PDE1C: variants seen among roughly 807,000 people sequenced by gnomAD.
PDE1C encodes dual specificity calcium/calmodulin-dependent 3',5'-cyclic nucleotide phosphodiesterase 1C.
PDE1C carries 62 observed loss-of-function variants against 93.1 expected under a neutral mutation model. The ratio of observed to expected loss-of-function variants is 0.67; its 90% CI spans 0.54 to 0.82. The LOEUF (loss-of-function observed/expected upper bound fraction) is 0.82. Among genes scored for constraint, PDE1C ranks in the 40% least tolerant of loss-of-function variants. The probability of loss-of-function intolerance (pLI) is 0.00; values close to 1 mark genes in which losing one functional copy is unlikely to be tolerated. For missense variants in PDE1C, 742 were observed against 884.6 expected, an observed-to-expected ratio of 0.84 and a Z score of 2.04; for synonymous variants, 325 against 310.1, an observed-to-expected ratio of 1.05 and a Z score of -0.50.
At chr7:32,334,375 T>G (rs1783571914) in intron 1 of PDE1C, among the ~76,000 whole-genome samples, 1 of 152,214 alleles carries the variant, frequency 6.6e-6, no homozygotes, top group Non-Finnish European at 1.5e-5. Flanking sequence ...TTGACTTCTT[T>G]TGCCTCAATA....
At chr7:31,852,739 T>G (rs1793502160) in intron 7 of PDE1C, among the ~76,000 whole-genome samples, 1 of 152,134 alleles carries the variant, frequency 6.6e-6, no homozygotes, top group Non-Finnish European at 1.5e-5. Flanking sequence ...AATCTTACAT[T>G]GTATTTTCTT....
intron 2 of PDE1C, among the ~76,000 whole-genome samples, chr7:31,937,942 C>G (rs1805313402): frequency 6.6e-6 from 1 of 152,158 alleles, no homozygotes; most frequent in Non-Finnish European, 1.5e-5. Context: ...CATGGGCACT[C>G]CATTCCCAAA....
chr7:32,362,211 AG>A (rs1239698913), intron 1 of PDE1C, among the ~76,000 whole-genome samples: 1 of 152,110 alleles, frequency 6.6e-6, no homozygotes, highest in African/African-American at 2.4e-5. Context: ...AATGCCTCAG[AG>A]GCGTGTGTGC....
intron 2 of PDE1C, among the ~76,000 whole-genome samples, chr7:31,935,374 A>G (rs1360488303): frequency 6.6e-6 from 1 of 152,120 alleles, no homozygotes; most frequent in East Asian, 1.9e-4. Flanking sequence ...CCAGGCCTGC[A>G]CTTCCCTTTT....
At chr7:31,945,787 C>G (rs2129006886) in intron 2 of PDE1C, among the ~76,000 whole-genome samples, 1 of 152,274 alleles carries the variant, frequency 6.6e-6, no homozygotes, top group East Asian at 1.9e-4. Flanking sequence ...TCCTCTCCTT[C>G]AGAATTCCAA....
At chr7:32,374,179 A>AAAG (rs146817206) in intron 1 of PDE1C, among the ~76,000 whole-genome samples, 8,865 of 31,180 alleles carry the variant, frequency 0.28, 616 homozygotes, top group South Asian at 0.53. Flanking sequence ...AGAAAGAAAG[A>AAAG]AAGAAAGAAA....
chr7:32,413,709 A>T (rs2128098373), intron 1 of PDE1C, among the ~76,000 whole-genome samples: 4 of 152,324 alleles, frequency 2.6e-5, no homozygotes, highest in Admixed American at 2.6e-4. Context: ...CTGTACACTT[A>T]AAAATGATTA....
chr7:32,294,975 CT>C (rs1378632310), intron 1 of PDE1C, among the ~76,000 whole-genome samples: 1 of 152,234 alleles, frequency 6.6e-6, no homozygotes, highest in East Asian at 1.9e-4. Context: ...CAATCTTAGT[CT>C]TGTTTCCAAG....
intron 3 of PDE1C, among the ~76,000 whole-genome samples, chr7:32,088,281 CTTT>C (rs977306411): frequency 2.6e-5 from 4 of 151,982 alleles, no homozygotes; most frequent in Admixed American, 2.6e-4. Flanking sequence ...AGTGATTGGA[CTTT>C]TTTTTAATAC....
intron 3 of PDE1C, among the ~76,000 whole-genome samples, chr7:32,097,993 G>A (rs1291193881): frequency 6.7e-6 from 1 of 149,470 alleles, no homozygotes; most frequent in Admixed American, 6.6e-5. Flanking sequence ...CACTTTGGGA[G>A]GCCGAGGCGG....
intron 2 of PDE1C, among the ~76,000 whole-genome samples, chr7:31,976,872 C>A (rs1404857504): frequency 6.6e-6 from 1 of 152,166 alleles, no homozygotes; most frequent in East Asian, 1.9e-4. Context: ...TCATTATCTG[C>A]CACTGACCAA....
intron 1 of PDE1C, among the ~76,000 whole-genome samples, chr7:32,312,521 G>A (rs1301073586): frequency 6.6e-5 from 10 of 152,208 alleles, no homozygotes; most frequent in African/African-American, 2.4e-4. Flanking sequence ...CAAGGCTACA[G>A]TAACCAAAAC....
chr7:31,865,874 G>C (rs1795226818), intron 6 of PDE1C, among the ~76,000 whole-genome samples: 1 of 151,950 alleles, frequency 6.6e-6, no homozygotes, highest in Admixed American at 6.6e-5. Context: ...TGTGCACTTT[G>C]TTTTCCTACA....
At chr7:31,975,025 C>CT (rs1563129814) in intron 2 of PDE1C, among the ~76,000 whole-genome samples, 1 of 152,136 alleles carries the variant, frequency 6.6e-6, no homozygotes, top group Non-Finnish European at 1.5e-5. Context: ...CACTTCTTGT[C>CT]TTTTTTTGCC....
chr7:32,064,629 C>G (rs975029902), intron 1 of PDE1C, among the ~76,000 whole-genome samples: 37 of 152,062 alleles, frequency 2.4e-4, no homozygotes, highest in Admixed American at 1.9e-3. Context: ...CATCTTTTAA[C>G]AATTTCTTAT....
chr7:32,153,497 G>A (rs1801385315), intron 3 of PDE1C, among the ~76,000 whole-genome samples: 1 of 152,168 alleles, frequency 6.6e-6, no homozygotes, highest in African/African-American at 2.4e-5. Context: ...AGGTCAAGGG[G>A]GAGCCTGGAA....
At chr7:31,913,348 C>T (rs367894529) in intron 2 of PDE1C, among the ~76,000 whole-genome samples, 50 of 151,780 alleles carry the variant, frequency 3.3e-4, no homozygotes, top group South Asian at 1.3e-3. Flanking sequence ...CACCAAGATA[C>T]GAGTTAATGC....
At chr7:31,765,732 T>C (rs1278905673) in intron 17 of PDE1C, among the ~76,000 whole-genome samples, 1 of 152,058 alleles carries the variant, frequency 6.6e-6, no homozygotes, top group Non-Finnish European at 1.5e-5. Flanking sequence ...CTTACCAGAG[T>C]CTTCACTTAA....
At chr7:32,183,154 T>G (rs1218249773) in intron 2 of PDE1C, among the ~76,000 whole-genome samples, 1 of 151,950 alleles carries the variant, frequency 6.6e-6, no homozygotes, top group African/African-American at 2.4e-5. Context: ...TAAAAGAGGA[T>G]ACAAACAAAT....
Sources: gnomAD v4.1 joint callset for allele counts (sites outside exome capture counted in the v4.1 genomes callset) on GRCh38, gnomAD v4.1.1 for gene constraint, MANE v1.5 for transcripts, NCBI Gene and HGNC (gene_info 2026-07-23, HGNC 2026-07-21) for gene names.